GAL3ST3: variants seen among roughly 807,000 people sequenced by gnomAD.
GAL3ST3 encodes the protein beta-galactose-3-O-sulfotransferase 3.
A neutral mutation model predicts 20.8 loss-of-function variants in GAL3ST3; 21 were observed. The observed-to-expected ratio is 1.01, with a 90% CI of 0.72 to 1.45. The LOEUF is 1.45. GAL3ST3 is among the 40% of genes most tolerant of loss of function. GAL3ST3 has a pLI of 0.00. For missense variants in GAL3ST3, 739 were observed against 662.7 expected (o/e 1.12, Z -1.26); for synonymous variants, 355 against 307.2 (o/e 1.16, Z -1.63).
Position 66,043,377 on chromosome 11 carries a change from C to A in GAL3ST3, c.426G>T (p.Pro142=), listed in dbSNP as rs756711261. 87 of 1,609,792 alleles carry A rather than the reference C, an allele frequency of 5.4e-5. No homozygotes were observed. In the Admixed American group the frequency reaches 1.3e-3, roughly 25 times the overall value. The change falls in exon 3 of 3, where the codon CCG becomes CCT. Residue 142 remains proline (P), a synonymous_variant. Transcript: ENST00000312006. ...FDRAELERLM[P]PSTVYVTILR... is the part of the protein sequence containing the mutation. ...GGATGGTGACATAGACGGTGCTGGG[C>A]GGCATGAGGCGCTCCAGCTCCGCAC... is the stretch of plus-strand genomic sequence containing the variant.
In GAL3ST3 at chr11:66,043,235, A is replaced by G. The variant is rs754592553; in HGVS notation, c.568T>C (p.Tyr190His). Residue 190 changes from tyrosine to histidine, a missense_variant, in exon 3 of 3, where the codon TAC becomes CAC. Coordinates refer to ENST00000312006, the MANE Select transcript of GAL3ST3 (RefSeq NM_033036.3). ...LEAFLRAPEA[Y>H]YRAGEHFAMF... ...GCGAAGTGCTCGCCAGCGCGGTAGT[A>G]TGCCTCGGGCGCGCGCAGGAAGGCC... The G allele has an allele frequency of 5.6e-6, 9 of 1,612,374 alleles. 1 individual carries two copies. In the Middle Eastern group the frequency reaches 1.3e-3, roughly 237 times the overall value.
At chr11:66,047,721 A>G (rs928740410) in intron 1 of GAL3ST3, among the ~76,000 whole-genome samples, 1 of 152,138 alleles carries the variant, frequency 6.6e-6, no homozygotes, top group Non-Finnish European at 1.5e-5. Context: ...TCTTTCCGGG[A>G]CAGCCAGGAT....
chr11:66,042,565 A>G lies in GAL3ST3; in HGVS notation c.1238T>C (p.Leu413Pro), dbSNP rs948500463. The G allele has an allele frequency of 1.4e-5, 22 of 1,527,224 alleles. No homozygotes were observed. The highest frequency in any genetic ancestry group is 9.7e-5 in the African/African-American group (7 of 72,292). The allele number at this position is 1,527,224 out of a possible 1,614,324, so 94.6% of individuals were successfully genotyped here. A position where few individuals can be genotyped will look rare whatever the true frequency, so the allele number is the denominator to read the frequency against. The change falls in exon 3 of 3, where the codon CTG (leucine) becomes CCG (proline). Residue 413 changes from leucine to proline, a missense_variant. By Grantham distance (98) the Leu-to-Pro change is moderately conservative. Coordinates refer to ENST00000312006, the MANE Select transcript of GAL3ST3 (RefSeq NM_033036.3). ...GATGGGCCGAGGCGGGGGATTGTCC[A>G]GGACGGGCTCGGGCCGAGCCCGCGC... Reference protein sequence around the residue: ...GGARARPEPVLDNPPPRPIRV... With the variant: ...GGARARPEPVPDNPPPRPIRV...
At chr11:66,048,118 C>T (rs915317631) in intron 1 of GAL3ST3, among the ~76,000 whole-genome samples, 4 of 152,148 alleles carry the variant, frequency 2.6e-5, no homozygotes, top group African/African-American at 9.7e-5. Flanking sequence ...GCCCTGGCTC[C>T]TGCCCTCAGA....
In GAL3ST3 at chr11:66,042,453, G is replaced by T; in HGVS notation, c.*54C>A. ...GGGCAGGACATGGAGGCAGCCCCTGGCTGGACTCCTGGGAGGGCAGGGCAG... is the reference window on the plus strand; with the variant it reads ...GGGCAGGACATGGAGGCAGCCCCTGTCTGGACTCCTGGGAGGGCAGGGCAG... On this transcript the variant is annotated 3_prime_UTR_variant, in exon 3 of 3. Coordinates refer to ENST00000312006, the MANE Select transcript of GAL3ST3 (RefSeq NM_033036.3). 7.4e-7 allele frequency: 1 copy of T among 1,345,532 alleles called. No homozygotes were observed. The highest frequency in any genetic ancestry group is 9.7e-7 in the Non-Finnish European group (1 of 1,030,562). 83.3% of individuals were successfully genotyped at this position (1,345,532 alleles called of 1,614,324 possible).
At chr11:66,048,848 C>T (rs1162968460) in intron 1 of GAL3ST3, among the ~76,000 whole-genome samples, 163 bp downstream of exon 1, 1 of 152,000 alleles carries the variant, frequency 6.6e-6, no homozygotes, top group East Asian at 1.9e-4. Context: ...CAGATTGGCC[C>T]GCTCACCCTA....
In GAL3ST3 at chr11:66,043,524, C is replaced by G. The variant is rs569543938; in HGVS notation, c.279G>C (p.Thr93=). Residue 93 remains threonine, a synonymous_variant, in exon 3 of 3, where the codon ACG becomes ACC. Coordinates refer to ENST00000312006, the MANE Select transcript of GAL3ST3 (RefSeq NM_033036.3). ...CGCAGCTCGGGTGCGGCAGGGCCAC[C>G]GTCAGGTTGTGGCGCTCGGCAAAGC... is the stretch of plus-strand genomic sequence containing the variant. ...LFRFAERHNL[T]VALPHPSCEH... is the part of the protein sequence containing the mutation. 2 of 1,610,618 alleles carry G rather than the reference C, an allele frequency of 1.2e-6. No individual in the cohort carries two copies.
At position 66,043,596 on chromosome 11, in the gene GAL3ST3, C is replaced by A. The variant is rs745401115; in HGVS notation, c.207G>T (p.Leu69=). 1.9e-6 allele frequency: 3 copies of A among 1,612,856 alleles called. No individual in the cohort carries two copies. The highest frequency in any genetic ancestry group is 1.7e-5 in the Admixed American group (1 of 60,010). ...TCGTGCCTGCCGTCTTGTGAGTCTT[C>A]AGGAAGGCCACAGTCATGTGCTTGG... ...PRPKHMTVAF[L]KTHKTAGTTV... The change falls in exon 3 of 3, where the codon CTG becomes CTT. Residue 69 remains leucine (L), a synonymous_variant. Transcript: ENST00000312006.
chr11:66,045,243 A>T, intron 2 of GAL3ST3, 48 bp downstream of exon 2: 1 of 1,446,218 alleles, frequency 6.9e-7, no homozygotes, highest in African/African-American at 1.4e-5. Context: ...TAGCAGGTGG[A>T]AGAATGGGGA....
At chr11:66,044,304 A>T (rs1856757403) in intron 2 of GAL3ST3, among the ~76,000 whole-genome samples, 3 of 152,128 alleles carry the variant, frequency 2.0e-5, no homozygotes, top group African/African-American at 7.2e-5. Flanking sequence ...ACCCAAAATA[A>T]CAGATGTTTG....
chr11:66,044,828 G>A (rs1050476772), intron 2 of GAL3ST3, among the ~76,000 whole-genome samples: 1 of 152,222 alleles, frequency 6.6e-6, no homozygotes, highest in Non-Finnish European at 1.5e-5. Flanking sequence ...ATGGGGACAT[G>A]AAGTCTCCGA....
chr11:66,042,725 G>A lies in GAL3ST3; in HGVS notation c.1078C>T (p.Arg360Cys). The A allele has an allele frequency of 1.3e-6, 2 of 1,533,552 alleles. No homozygotes were observed. The highest frequency in any genetic ancestry group is 1.7e-6 in the Non-Finnish European group (2 of 1,145,618). 95.0% of individuals were successfully genotyped at this position (1,533,552 alleles called of 1,614,324 possible). ...TKQLQPWQPS[R>C]KVDIMGYDLP... Reference sequence around the variant, plus strand: ...TCATAGCCCATAATGTCCACCTTGCGGCTGGGCTGCCACGGCTGCAGCTGC... The same window carrying A: ...TCATAGCCCATAATGTCCACCTTGCAGCTGGGCTGCCACGGCTGCAGCTGC... Residue 360 changes from arginine to cysteine, a missense_variant, in exon 3 of 3, where the codon CGC becomes TGC. Coordinates refer to ENST00000312006, the MANE Select transcript of GAL3ST3 (RefSeq NM_033036.3).
chr11:66,045,284 C>A lies in GAL3ST3; in HGVS notation c.125+7G>T. ...GCTCCGGCCCCCCTGGGGCCCCGCC[C>A]CCTTACCAGCTGAGCTGCGCCCCCT... On this transcript the variant is annotated splice_region_variant and intron_variant, in intron 2 of 2. Transcript: ENST00000312006. 2 of 1,548,154 alleles carry A rather than the reference C, an allele frequency of 1.3e-6. No homozygotes were observed. Among genetic ancestry groups the A allele is most frequent in the Non-Finnish European group, 8.7e-7 (1 of 1,146,852 alleles).
In GAL3ST3 at chr11:66,045,337, AC is replaced by A. The variant is rs1856770968; in HGVS notation, c.78del (p.Cys27AlafsTer4). On this transcript the variant is annotated frameshift_variant, in exon 2 of 3. Transcript: ENST00000312006. LOFTEE classifies it high-confidence loss of function. ...SRRKILLLVL[G>X]CSTVSLLIHQ... ...TGGATGAGAAGGCTTACGGTGCTGC[AC>A]CCTAGCACCAGCAGCAGGATTTTCC... The A allele has an allele frequency of 6.2e-7, 1 of 1,606,014 alleles. No individual in the cohort carries two copies. The highest frequency in any genetic ancestry group is 2.3e-5 in the East Asian group (1 of 44,042).
chr11:66,040,897 A>G lies in GAL3ST3; in HGVS notation c.*1610T>C, dbSNP rs72932674. On this transcript the variant is annotated 3_prime_UTR_variant, in exon 3 of 3. Transcript: ENST00000312006. ...ATACAAACAGTCCCTTTTCAAGCCC[A>G]GCGTGTCATGCATCCTGCCAATCAA... Among the ~76,000 whole-genome samples, 226 of 152,360 alleles carry G rather than the reference A, an allele frequency of 1.5e-3. 2 individuals are homozygous for G. Among genetic ancestry groups the G allele is most frequent in the Non-Finnish European group, 2.8e-3 (192 of 68,034 alleles).
Position 66,045,489 on chromosome 11 carries a change from C to T in GAL3ST3, c.-74G>A. On this transcript the variant is annotated 5_prime_UTR_variant, in exon 2 of 3. Coordinates refer to ENST00000312006, the MANE Select transcript of GAL3ST3 (RefSeq NM_033036.3). ...CCCTTCACAGGCACTCATGGGGGAT[C>T]CTGCGGCTCTGGTAGCAGGGCCAGT... 1 of 1,437,628 alleles carries T rather than the reference C, an allele frequency of 7.0e-7. No individual in the cohort carries two copies. The highest frequency in any genetic ancestry group is 9.2e-7 in the Non-Finnish European group (1 of 1,084,740). 89.1% of individuals were successfully genotyped at this position (1,437,628 alleles called of 1,614,324 possible). A position where few individuals can be genotyped will look rare whatever the true frequency, so the allele number is the denominator to read the frequency against.
Position 66,042,708 on chromosome 11 carries a change from C to T in GAL3ST3, c.1095G>A (p.Met365Ile). Reference sequence around the variant, plus strand: ...CGCCGCCGCCGGGCAGGTCATAGCCCATAATGTCCACCTTGCGGCTGGGCT... The same window carrying T: ...CGCCGCCGCCGGGCAGGTCATAGCCTATAATGTCCACCTTGCGGCTGGGCT... ...PWQPSRKVDI[M>I]GYDLPGGGAG... The change falls in exon 3 of 3, where the codon ATG becomes ATA. Residue 365 changes from methionine (M) to isoleucine (I), a missense_variant. Coordinates refer to ENST00000312006, the MANE Select transcript of GAL3ST3 (RefSeq NM_033036.3). The T allele has an allele frequency of 1.3e-6, 2 of 1,533,880 alleles. No individual in the cohort carries two copies. The highest frequency in any genetic ancestry group is 1.7e-6 in the Non-Finnish European group (2 of 1,145,748).
Position 66,043,356 on chromosome 11 carries a change from G to A in GAL3ST3, c.447C>T (p.Thr149=), listed in dbSNP as rs751032078. The part of the protein sequence containing the change: ...RLMPPSTVYV[T]ILREPAAMFE... ...ACATGGCGGCCGGCTCGCGCAGGAT[G>A]GTGACATAGACGGTGCTGGGCGGCA... The change falls in exon 3 of 3, where the codon ACC becomes ACT. Residue 149 remains threonine (T), a synonymous_variant. Transcript: ENST00000312006. 2 of 1,610,096 alleles carry A rather than the reference G, an allele frequency of 1.2e-6. No homozygotes were observed. Among genetic ancestry groups the A allele is most frequent in the Non-Finnish European group, 8.5e-7 (1 of 1,178,572 alleles).
In GAL3ST3 at chr11:66,042,899, TG is replaced by T; in HGVS notation, c.903del (p.Phe301LeufsTer160). ...NALDAGLYDH[F>X]NATFWRHVAR... Reference sequence around the variant, plus strand: ...GCCACGTGGCGCCAGAAGGTGGCGTTGAAGTGGTCGTAGAGGCCGGCGTCCA... The same window carrying T: ...GCCACGTGGCGCCAGAAGGTGGCGTTAAGTGGTCGTAGAGGCCGGCGTCCA... On this transcript the variant is annotated frameshift_variant, in exon 3 of 3. Transcript: ENST00000312006. LOFTEE classifies it low-confidence loss of function (END_TRUNC). 1 of 1,205,660 alleles carries T rather than the reference TG, an allele frequency of 8.3e-7. No homozygotes were observed. Among genetic ancestry groups the T allele is most frequent in the Non-Finnish European group, 1.0e-6 (1 of 961,188 alleles). 74.7% of individuals were successfully genotyped at this position (1,205,660 alleles called of 1,614,324 possible).
Sources: allele counts gnomAD v4.1 joint callset (sites outside exome capture counted in the v4.1 genomes callset), GRCh38; gene constraint gnomAD v4.1.1; transcripts MANE v1.5; gene names NCBI Gene and HGNC (gene_info 2026-07-23, HGNC 2026-07-21).